FLII: variants seen among roughly 807,000 people sequenced by gnomAD.
The protein encoded by FLII is FLII actin remodeling protein.
In FLII, 101 loss-of-function variants were observed where a neutral mutation model predicts 156.2. The observed-to-expected ratio is 0.65, with a 90% CI of 0.55 to 0.76. The LOEUF (loss-of-function observed/expected upper bound fraction) is 0.76. FLII is among the 30% of genes least tolerant of loss of function. The pLI, the probability that FLII is intolerant of heterozygous loss-of-function variation, is 0.00. For synonymous variants in FLII, 767 were observed against 685.8 expected (o/e 1.12, Z -1.85); for missense variants, 1,675 against 1,682.8 (o/e 1.00, Z 0.08).
chr17:18,248,879 CA>C lies in FLII; in HGVS notation c.1938del (p.Phe646LeufsTer9). 6.2e-7 allele frequency: 1 copy of C among 1,613,696 alleles called. No homozygotes were observed. Among genetic ancestry groups the C allele is most frequent in the Non-Finnish European group, 8.5e-7 (1 of 1,179,708 alleles). ...TCTAGCCCTCGGTCCAGCAGGAAAA[CA>C]AACCTGGACAAGAAGGGGCAGGAAG... Reference protein sequence around the residue: ...PLKGTSLDPRFVFLLDRGLDI... With the variant: ...PLKGTSLDPRXVFLLDRGLDI... On this transcript the variant is annotated frameshift_variant, in exon 17 of 30. Transcript: ENST00000327031. LOFTEE classifies it high-confidence loss of function.
At chr17:18,251,895 C>T (rs2048282290) in intron 11 of FLII, 79 bp from the exon 12 acceptor site, 8 of 1,606,712 alleles carry the variant, frequency 5.0e-6, no homozygotes, top group Non-Finnish European at 6.8e-6. Context: ...GGGCCAACTC[C>T]ACCCACCAGG....
chr17:18,251,588 C>A (rs1033257108), intron 12 of FLII, 92 bp downstream of exon 12: 47 of 1,581,544 alleles, frequency 3.0e-5, no homozygotes, highest in Non-Finnish European at 4.0e-5. Context: ...CTGCCCAGCA[C>A]CCCCCGTCCC....
Position 18,249,415 on chromosome 17 carries a change from G to C in FLII, c.1777-7C>G. The C allele has an allele frequency of 6.2e-7, 1 of 1,612,516 alleles. No homozygotes were observed. The highest frequency in any genetic ancestry group is 8.5e-7 in the Non-Finnish European group (1 of 1,178,744). ...AGATGTCGTTGTCAAACACCTGTGT[G>C]TGTGAGGGTGTGGTTCTTCATCACT... On this transcript the variant is annotated splice_polypyrimidine_tract_variant and splice_region_variant and intron_variant, in intron 14 of 29. Coordinates refer to ENST00000327031, the MANE Select transcript of FLII (RefSeq NM_002018.4).
chr17:18,247,389 G>T (rs753516196), intron 20 of FLII, 32 bp from the exon 21 acceptor site: 10 of 1,563,272 alleles, frequency 6.4e-6, no homozygotes, highest in Non-Finnish European at 8.7e-6. Context: ...AACCATGAGG[G>T]GTGCGGCATG....
intron 20 of FLII, 111 bp downstream of exon 20, chr17:18,247,546 G>C: frequency 8.9e-7 from 1 of 1,126,406 alleles, no homozygotes; most frequent in South Asian, 1.6e-5. Context: ...AGTCAGCAAA[G>C]AGGAGGTGGG....
rs755302138 is a variant in FLII, at chr17:18,249,144, C to A, written c.1917G>T (p.Gly639=). The change falls in exon 16 of 30, where the codon GGG becomes GGT. Residue 639 remains glycine, a synonymous_variant. Coordinates refer to ENST00000327031, the MANE Select transcript of FLII (RefSeq NM_002018.4). ...GGGCTCACCTTGGGTCCAGAGAGGT[C>A]CCCTTGAGGGGCACAGGCTCCAACT... is the stretch of plus-strand genomic sequence containing the variant. ...NIKLEPVPLK[G]TSLDPRFVFL... The A allele has an allele frequency of 1.2e-6, 2 of 1,614,084 alleles. No individual in the cohort carries two copies. Among genetic ancestry groups the A allele is most frequent in the Non-Finnish European group, 1.7e-6 (2 of 1,180,002 alleles).
At chr17:18,246,274 T>C (rs760364052) in intron 24 of FLII, 34 bp downstream of exon 24, 1 of 1,614,090 alleles carries the variant, frequency 6.2e-7, no homozygotes, top group South Asian at 1.1e-5. Context: ...TCCCTGACGC[T>C]TGCTCGCCAC....
In FLII at chr17:18,250,886, G is replaced by A. The variant is rs1232594896; in HGVS notation, c.1728C>T (p.Cys576=). The change falls in exon 14 of 30, where the codon TGC becomes TGT. Residue 576 remains cysteine, a synonymous_variant. Transcript: ENST00000327031. ...VNLRNYLGAE[C]RTVREEMGDE... ...CGCCCATCTCCTCCCGGACAGTGCG[G>A]CACTCAGCACCCAGGTAGTTGCGCA... 1.9e-6 allele frequency: 3 copies of A among 1,614,038 alleles called. No homozygotes were observed. The highest frequency in any genetic ancestry group is 2.5e-6 in the Non-Finnish European group (3 of 1,180,002).
chr17:18,258,474 C>T lies in FLII; in HGVS notation c.63+154G>A. On this transcript the variant is annotated intron_variant, in intron 1 of 29. Transcript: ENST00000327031. This position sits in a 1 kb window ranked among gnomAD's most constrained non-coding sequence, Gnocchi z 4.2. ...GCACTGGGCGGAGGCCTCGGAGGTCCATTCCTGGCCAGGGGAGAGCCCCAC... is the reference window on the plus strand; with the variant it reads ...GCACTGGGCGGAGGCCTCGGAGGTCTATTCCTGGCCAGGGGAGAGCCCCAC... 6.6e-7 allele frequency: 1 copy of T among 1,510,544 alleles called. No individual in the cohort carries two copies. The highest frequency in any genetic ancestry group is 8.8e-7 in the Non-Finnish European group (1 of 1,136,088). The allele number at this position is 1,510,544 out of a possible 1,614,324, so 93.6% of individuals were successfully genotyped here. A position where few individuals can be genotyped will look rare whatever the true frequency, so the allele number is the denominator to read the frequency against.
rs769162401 is a variant in FLII at position 18,245,055 on chromosome 17, CA to C, written c.*82del. On this transcript the variant is annotated 3_prime_UTR_variant, in exon 30 of 30. Coordinates refer to ENST00000327031, the MANE Select transcript of FLII (RefSeq NM_002018.4). ...TGGACGTGGCTGGAGCAGGTGGTGT[CA>C]CCTGAGTACATTCTTTGCTAGCAGA... The C allele has an allele frequency of 5.4e-6, 8 of 1,485,074 alleles. No individual in the cohort carries two copies. The highest frequency in any genetic ancestry group is 7.3e-6 in the Non-Finnish European group (8 of 1,091,550). The allele number at this position is 1,485,074 out of a possible 1,614,324, so 92.0% of individuals were successfully genotyped here.
chr17:18,254,756 A>G lies in FLII; in HGVS notation c.413+13T>C. On this transcript the variant is annotated intron_variant, in intron 5 of 29. Coordinates refer to ENST00000327031, the MANE Select transcript of FLII (RefSeq NM_002018.4). Reference sequence around the variant, plus strand: ...AGGGCCCACCTGCCCCCTGCCCCCCACTGGCCTGGCACCTGTTGTGGCTGA... The same window carrying G: ...AGGGCCCACCTGCCCCCTGCCCCCCGCTGGCCTGGCACCTGTTGTGGCTGA... 6.2e-7 allele frequency: 1 copy of G among 1,613,968 alleles called. No homozygotes were observed. The highest frequency in any genetic ancestry group is 8.5e-7 in the Non-Finnish European group (1 of 1,179,960).
Position 18,247,355 on chromosome 17 carries a change from C to T in FLII, c.2490G>A (p.Val830=). 6.2e-7 allele frequency: 1 copy of T among 1,600,314 alleles called. No homozygotes were observed. The highest frequency in any genetic ancestry group is 8.5e-7 in the Non-Finnish European group (1 of 1,174,162). The part of the protein sequence containing the change: ...SRSLEGTEAQ[V]FKAKFKNWDD... ...CCCAATTCTTGAACTTGGCCTTGAACACCTGCCAGGGAGGCCATCAACTAA... is the reference window on the plus strand; with the variant it reads ...CCCAATTCTTGAACTTGGCCTTGAATACCTGCCAGGGAGGCCATCAACTAA... Residue 830 remains valine (V), a splice_region_variant and synonymous_variant, in exon 21 of 30, where the codon GTG becomes GTA. Coordinates refer to ENST00000327031, the MANE Select transcript of FLII (RefSeq NM_002018.4).
chr17:18,253,121 G>A (rs2048317680), intron 9 of FLII, among the ~76,000 whole-genome samples, 180 bp downstream of exon 9: 1 of 152,176 alleles, frequency 6.6e-6, no homozygotes, highest in Non-Finnish European at 1.5e-5. Context: ...CTACATTCCA[G>A]CCCAGGCGAC....
intron 15 of FLII, 47 bp downstream of exon 15, chr17:18,249,279 G>C (rs1307812345): frequency 6.2e-7 from 1 of 1,608,158 alleles, no homozygotes; most frequent in Non-Finnish European, 8.5e-7. Flanking sequence ...TCCACCCCTT[G>C]CCAGCAGACT....
intron 18 of FLII, 47 bp downstream of exon 18, chr17:18,248,503 G>C (rs1399156331): frequency 6.5e-7 from 1 of 1,543,526 alleles, no homozygotes; most frequent in East Asian, 2.3e-5. Context: ...CCCCCAGTCG[G>C]TGGGTGAACT....
chr17:18,249,483 G>T, intron 14 of FLII, 75 bp from the exon 15 acceptor site: 2 of 1,109,752 alleles, frequency 1.8e-6, no homozygotes, highest in Non-Finnish European at 1.4e-6. Context: ...TCAGGTGGGG[G>T]TACAGAGTTG....
In FLII at chr17:18,248,655, C is replaced by T; in HGVS notation, c.2085G>A (p.Gln695=). The change falls in exon 18 of 30, where the codon CAG becomes CAA. Residue 695 remains glutamine, a synonymous_variant. Transcript: ENST00000327031. ...KGKAEITLLV[Q]GQELPEFWEA... ...CCCAGAACTCTGGGAGCTCCTGGCCCTGCACCAGCAGTGTGATCTCAGCCT... is the reference window on the plus strand; with the variant it reads ...CCCAGAACTCTGGGAGCTCCTGGCCTTGCACCAGCAGTGTGATCTCAGCCT... 5.0e-6 allele frequency: 8 copies of T among 1,614,034 alleles called. No homozygotes were observed. Among genetic ancestry groups the T allele is most frequent in the South Asian group, 4.4e-5 (4 of 91,084 alleles).
Position 18,252,433 on chromosome 17 carries a change from T to C in FLII, c.1098+39A>G, listed in dbSNP as rs773667942. 4 of 1,587,852 alleles carry C rather than the reference T, an allele frequency of 2.5e-6. No individual in the cohort carries two copies. The South Asian group carries it at 4.4e-5, about 18-fold the overall frequency. ...CCTTGCTCCAGGGCACACCCCTTGC[T>C]TGTCTCTCTTGAGCCCTCTCAAACC... On this transcript the variant is annotated intron_variant, in intron 10 of 29. Transcript: ENST00000327031.
chr17:18,254,374 C>A, intron 6 of FLII, 147 bp downstream of exon 6: 1 of 854,796 alleles, frequency 1.2e-6, no homozygotes, highest in Admixed American at 2.8e-5. Flanking sequence ...GGACATGATA[C>A]TTAGGAGGTT....
Sources: allele counts gnomAD v4.1 joint callset (sites outside exome capture counted in the v4.1 genomes callset), GRCh38; gene constraint gnomAD v4.1.1; non-coding constraint Gnocchi (gnomAD v3.1); transcripts MANE v1.5; gene names NCBI Gene and HGNC (gene_info 2026-07-23, HGNC 2026-07-21).